ANKRD44: variants seen among roughly 807,000 people sequenced by gnomAD.
ANKRD44 encodes ankyrin repeat domain 44, also known as serine/threonine-protein phosphatase 6 regulatory ankyrin repeat subunit B.
ANKRD44 carries 35 observed loss-of-function variants against 116.0 expected under a neutral mutation model. The ratio of observed to expected loss-of-function variants is 0.30; its 90% CI spans 0.23 to 0.40. The LOEUF (loss-of-function observed/expected upper bound fraction) is 0.40. Ranked by LOEUF, ANKRD44 falls within the 10% of genes least tolerant of loss-of-function variation. The probability of loss-of-function intolerance (pLI) is 1.00; values close to 1 mark genes in which losing one functional copy is unlikely to be tolerated. For synonymous variants in ANKRD44, 435 were observed against 461.8 expected, an observed-to-expected ratio of 0.94 and a Z score of 0.74; for missense variants, 1,014 against 1,242.6, an observed-to-expected ratio of 0.82 and a Z score of 2.77.
chr2:197,018,885 A>G (rs2076441676), intron 17 of ANKRD44, among the ~76,000 whole-genome samples: 1 of 152,170 alleles, frequency 6.6e-6, no homozygotes, highest in African/African-American at 2.4e-5. Flanking sequence ...ATCTTTTCTT[A>G]TAGATGAAAA....
intron 13 of ANKRD44, among the ~76,000 whole-genome samples, chr2:197,085,472 C>T (rs1017839107): frequency 4.6e-5 from 7 of 152,104 alleles, no homozygotes; most frequent in Non-Finnish European, 8.8e-5. Flanking sequence ...TAACATAAGA[C>T]AGGAGGTCGG....
intron 1 of ANKRD44, chr2:197,299,488 A>G (rs1242118160): frequency 7.9e-5 from 12 of 152,246 alleles, no homozygotes; most frequent in African/African-American, 2.9e-4. Flanking sequence ...ATACCATGGA[A>G]TACTACTCAG....
intron 21 of ANKRD44, among the ~76,000 whole-genome samples, chr2:196,972,663 T>C (rs548347862): frequency 6.6e-6 from 1 of 152,352 alleles, no homozygotes; most frequent in South Asian, 2.1e-4. Context: ...ATTTGTAGCC[T>C]GCCCAGGACT....
intron 1 of ANKRD44, among the ~76,000 whole-genome samples, chr2:197,262,462 C>T (rs1310824773): frequency 6.6e-6 from 1 of 152,172 alleles, no homozygotes; most frequent in African/African-American, 2.4e-5. Flanking sequence ...TGACCTACCC[C>T]CTAGTGGGTG....
chr2:197,091,179 A>AG (rs1187715505), intron 10 of ANKRD44, among the ~76,000 whole-genome samples: 2 of 152,210 alleles, frequency 1.3e-5, no homozygotes, highest in Non-Finnish European at 2.9e-5. Context: ...ACATGCCCTC[A>AG]GGGGGCTTTG....
chr2:197,023,813 T>C (rs149006528), intron 17 of ANKRD44, among the ~76,000 whole-genome samples: 1 of 152,306 alleles, frequency 6.6e-6, no homozygotes, highest in East Asian at 1.9e-4. Context: ...GCAAGCAACC[T>C]GTACTAAGGG....
chr2:197,026,251 G>T (rs944526824), intron 16 of ANKRD44, among the ~76,000 whole-genome samples: 1 of 152,190 alleles, frequency 6.6e-6, no homozygotes, highest in Non-Finnish European at 1.5e-5. Flanking sequence ...TCAAAAATCT[G>T]TTTTCCTATT....
chr2:197,019,825 C>A lies in ANKRD44; in HGVS notation c.1722+5371G>T, dbSNP rs1286015213. ...TTCTTTTTTTTTTTTGAGCTGGAGT[C>A]TCATTCCGTCGCCCAGGCTGGAGTG... On this transcript the variant is annotated intron_variant, in intron 17 of 27. Transcript: ENST00000282272. Among the ~76,000 whole-genome samples, 42 of 148,560 alleles carry A rather than the reference C, an allele frequency of 2.8e-4. No homozygotes were observed. In the Admixed American group the frequency reaches 2.8e-3, roughly 10 times the overall value.
In ANKRD44 at chr2:197,005,918, A is replaced by G. The variant is rs1386000764; in HGVS notation, c.2131-8T>C. 14 of 1,613,652 alleles carry G rather than the reference A, an allele frequency of 8.7e-6. No homozygotes were observed. The highest frequency in any genetic ancestry group is 1.1e-5 in the Non-Finnish European group (13 of 1,179,570). On this transcript the variant is annotated splice_region_variant and splice_polypyrimidine_tract_variant and intron_variant, in intron 20 of 27. Coordinates refer to ENST00000282272, the MANE Select transcript of ANKRD44 (RefSeq NM_001195144.2). ...CTCGTGTCCTGTCATAATCTGATGCATTGTAATTAAAAACACAAAACAAAC... is the reference window on the plus strand; with the variant it reads ...CTCGTGTCCTGTCATAATCTGATGCGTTGTAATTAAAAACACAAAACAAAC...
At position 197,007,877 on chromosome 2, in the gene ANKRD44, A is replaced by T; in HGVS notation, c.2059T>A (p.Ser687Thr). 6.2e-7 allele frequency: 1 copy of T among 1,614,092 alleles called. No homozygotes were observed. Among genetic ancestry groups the T allele is most frequent in the Non-Finnish European group, 8.5e-7 (1 of 1,179,984 alleles). ...TTGGCTTCCTTTTCAAGTAACAATG[A>T]AACAGCGTCAATATGTCCATATGCT... ...AVAYGHIDAV[S>T]LLLEKEANVD... Residue 687 changes from serine (S) to threonine (T), a missense_variant, in exon 20 of 28, where the codon TCA becomes ACA. Physicochemically the swap from Ser to Thr is moderately conservative, Grantham distance 58. Coordinates refer to ENST00000282272, the MANE Select transcript of ANKRD44 (RefSeq NM_001195144.2).
chr2:197,274,018 T>TATAG (rs1559208748), intron 1 of ANKRD44, among the ~76,000 whole-genome samples: 733 of 71,016 alleles, frequency 0.01, 71 homozygotes, highest in African/African-American at 0.031. Flanking sequence ...TATATATATA[T>TATAG]ATATATATAT....
chr2:197,088,942 C>G lies in ANKRD44; in HGVS notation c.1184-168G>C, dbSNP rs182617392. ...GTCATGGAAACGAATGGGAACTGCT[C>G]AAGCTTGGCAATTTTATAGGAAGAA... On this transcript the variant is annotated intron_variant, in intron 11 of 27. Coordinates refer to ENST00000282272, the MANE Select transcript of ANKRD44 (RefSeq NM_001195144.2). The G allele has an allele frequency of 5.2e-4, 279 of 536,530 alleles. 1 individual carries two copies. The Middle Eastern group carries it at 5.8e-3, about 11-fold the overall frequency. 33.2% of individuals were successfully genotyped at this position (536,530 alleles called of 1,614,324 possible). A position where few individuals can be genotyped will look rare whatever the true frequency, so the allele number is the denominator to read the frequency against.
intron 17 of ANKRD44, chr2:197,015,599 G>A (rs2076376344): frequency 5.6e-6 from 3 of 538,340 alleles, no homozygotes; most frequent in Non-Finnish European, 1.0e-5. Flanking sequence ...AATTTTGGCT[G>A]TGGTAGAAAC....
chr2:197,012,251 C>T (rs2076313988), intron 18 of ANKRD44, among the ~76,000 whole-genome samples: 1 of 152,134 alleles, frequency 6.6e-6, no homozygotes, highest in Non-Finnish European at 1.5e-5. Flanking sequence ...TTCACTGGAC[C>T]ACAACCCATA....
chr2:196,989,300 C>T lies in ANKRD44; in HGVS notation c.*291G>A. 2 of 951,458 alleles carry T rather than the reference C, an allele frequency of 2.1e-6. No individual in the cohort carries two copies. Among genetic ancestry groups the T allele is most frequent in the Non-Finnish European group, 2.5e-6 (2 of 797,564 alleles). 58.9% of individuals were successfully genotyped at this position (951,458 alleles called of 1,614,324 possible). A position where few individuals can be genotyped will look rare whatever the true frequency, so the allele number is the denominator to read the frequency against. On this transcript the variant is annotated 3_prime_UTR_variant, in exon 28 of 28. Transcript: ENST00000282272. Reference sequence around the variant, plus strand: ...TGGCAAAAAAAAAAAAAAAGGTCAGCACATCATCAGTTACAAATGTTAAGT... The same window carrying T: ...TGGCAAAAAAAAAAAAAAAGGTCAGTACATCATCAGTTACAAATGTTAAGT...
intron 4 of ANKRD44, chr2:197,135,031 C>A (rs1490641275): frequency 6.6e-6 from 1 of 152,178 alleles, no homozygotes; most frequent in African/African-American, 2.4e-5. Flanking sequence ...GGATTATTGA[C>A]CTCTCTCATT....
chr2:197,274,294 T>G lies in ANKRD44; in HGVS notation c.27+36284A>C, dbSNP rs528704309. On this transcript the variant is annotated intron_variant, in intron 1 of 27. Coordinates refer to ENST00000282272, the MANE Select transcript of ANKRD44 (RefSeq NM_001195144.2). ...AATGGGAATGATAACTATACCCACCTCTTAGGGTTGCTCTGAGGCACAGTG... is the reference window on the plus strand; with the variant it reads ...AATGGGAATGATAACTATACCCACCGCTTAGGGTTGCTCTGAGGCACAGTG... Among the ~76,000 whole-genome samples the G allele has an allele frequency of 2.0e-5, 3 of 152,182 alleles. No homozygotes were observed. In the South Asian group the frequency reaches 6.2e-4, roughly 32 times the overall value.
intron 1 of ANKRD44, among the ~76,000 whole-genome samples, chr2:197,219,954 CAAGCTA>C (rs1169632193): frequency 1.3e-5 from 2 of 152,158 alleles, no homozygotes; most frequent in Non-Finnish European, 2.9e-5. Context: ...TTTATTTTAA[CAAGCTA>C]TAGAAGGCTG....
At chr2:197,008,620 G>A (rs184072959) in intron 19 of ANKRD44, among the ~76,000 whole-genome samples, 1 of 152,250 alleles carries the variant, frequency 6.6e-6, no homozygotes, top group East Asian at 1.9e-4. Context: ...ATTAGAAAAT[G>A]GCAATGGTGT....
Sources: gnomAD v4.1 joint callset for allele counts (sites outside exome capture counted in the v4.1 genomes callset) on GRCh38, gnomAD v4.1.1 for gene constraint, MANE v1.5 for transcripts, NCBI Gene and HGNC (gene_info 2026-07-23, HGNC 2026-07-21) for gene names.